Variants in UTY observed in about 807,000 individuals in gnomAD.
UTY encodes the protein histone demethylase UTY.
Under a neutral mutation model 32.5 loss-of-function variants are expected in UTY, and 12 were observed. The observed-to-expected ratio is 0.37, with a 90% CI of 0.24 to 0.60. UTY has a LOEUF of 0.60. Among genes scored for constraint, UTY ranks in the 20% least tolerant of loss-of-function variants. The pLI is 0.69. For synonymous variants in UTY, 131 were observed against 103.4 expected, an observed-to-expected ratio of 1.27 and a Z score of -1.62; for missense variants, 303 against 299.2, an observed-to-expected ratio of 1.01 and a Z score of -0.09.
chrY:13,383,618 T>C, intron 8 of UTY, among the ~76,000 whole-genome samples: 3 of 29,942 alleles, frequency 1.0e-4, no homozygotes, highest in African/African-American at 2.6e-4. Flanking sequence ...CAGTCACTTA[T>C]GCATACACCT....
intron 21 of UTY, among the ~76,000 whole-genome samples, chrY:13,311,428 T>C: frequency 3.2e-5 from 1 of 31,406 alleles, no homozygotes; most frequent in Non-Finnish European, 7.8e-5. Flanking sequence ...ACCCCGTCTC[T>C]ACTGAAAATA....
chrY:13,464,574 C>T, intron 3 of UTY, among the ~76,000 whole-genome samples: 23 of 31,060 alleles, frequency 7.4e-4, no homozygotes, highest in Admixed American at 6.6e-3. Flanking sequence ...AAGTTTAAGA[C>T]CAGCTTGGCC....
At chrY:13,343,295 T>C (rs2061628441) in intron 17 of UTY, among the ~76,000 whole-genome samples, 1 of 31,881 alleles carries the variant, frequency 3.1e-5, no homozygotes, top group African/African-American at 1.2e-4. Context: ...TGGACAGAGG[T>C]TGATAATTCA....
At chrY:13,314,661 T>C (rs1044344581) in intron 21 of UTY, among the ~76,000 whole-genome samples, 10 of 33,505 alleles carry the variant, frequency 3.0e-4, no homozygotes, top group Non-Finnish European at 4.4e-4. Flanking sequence ...AAAACCAAAG[T>C]TGGTTCTTTA....
At chrY:13,346,178 T>C (rs2061879421) in intron 17 of UTY, among the ~76,000 whole-genome samples, 1 of 32,897 alleles carries the variant, frequency 3.0e-5, no homozygotes, top group Non-Finnish European at 7.5e-5. Context: ...GAGGTGAAGA[T>C]AGGGTGCACA....
In UTY at chrY:13,384,367, G is replaced by GA. The variant is rs2066481045; in HGVS notation, c.645+9491dup. Among the ~76,000 whole-genome samples the GA allele has an allele frequency of 1.5e-4, 5 of 33,467 alleles. No individual in the cohort carries two copies. The South Asian group carries it at 2.0e-3, about 13-fold the overall frequency. 89.8% of individuals were successfully genotyped at this position (33,467 alleles called of 37,273 possible). ...GTAATCCGTTAAATCAAAAGGCTTA[G>GA]AAAAAAAATCACACGATGGCAGGCC... On this transcript the variant is annotated intron_variant, in intron 8 of 29. Coordinates refer to ENST00000545955, the MANE Select transcript of UTY (RefSeq NM_001258249.2).
chrY:13,311,042 C>T (rs2059019050), intron 21 of UTY, among the ~76,000 whole-genome samples: 1 of 30,265 alleles, frequency 3.3e-5, no homozygotes, highest in Admixed American at 3.0e-4. Flanking sequence ...GAGCCGAGAT[C>T]GCACCACTGT....
chrY:13,265,993 T>C, intron 27 of UTY, among the ~76,000 whole-genome samples: 1 of 33,510 alleles, frequency 3.0e-5, no homozygotes, highest in Non-Finnish European at 7.4e-5. Flanking sequence ...GATAATCATG[T>C]GTTTTTTGTC....
At chrY:13,394,578 CA>C (rs2067932251) in intron 7 of UTY, among the ~76,000 whole-genome samples, 2 of 33,447 alleles carry the variant, frequency 6.0e-5, no homozygotes, top group Non-Finnish European at 1.5e-4. Flanking sequence ...AACAAAATCA[CA>C]ACGGATAATT....
chrY:13,372,094 T>A, intron 8 of UTY, among the ~76,000 whole-genome samples: 1 of 33,378 alleles, frequency 3.0e-5, no homozygotes, highest in South Asian at 6.5e-4. Context: ...TGTAAAACAA[T>A]CCCTATGAAA....
chrY:13,339,572 C>A (rs1603421905), intron 17 of UTY, among the ~76,000 whole-genome samples: 1 of 33,366 alleles, frequency 3.0e-5, no homozygotes, highest in East Asian at 7.8e-4. Context: ...AAACTCACGC[C>A]CTAACTGATA....
intron 25 of UTY, chrY:13,299,960 A>C: frequency 5.6e-6 from 1 of 177,771 alleles, no homozygotes; most frequent in East Asian, 5.8e-4. Context: ...GTCATTTAAA[A>C]TCTTAATCAT....
intron 6 of UTY, among the ~76,000 whole-genome samples, chrY:13,407,791 A>C (rs2070261868): frequency 6.0e-5 from 2 of 33,152 alleles, no homozygotes; most frequent in Admixed American, 5.5e-4. Context: ...AATGAACTAT[A>C]AAGCCCTGGA....
At chrY:13,448,700 AT>A (rs2076099369) in intron 4 of UTY, among the ~76,000 whole-genome samples, 1 of 33,899 alleles carries the variant, frequency 2.9e-5, no homozygotes, top group Non-Finnish European at 7.4e-5. Context: ...TTACCAAAAA[AT>A]AATAAATCAA....
rs374932565 is a variant in UTY, at chrY:13,324,539, T to C, written c.3070+62A>G. On this transcript the variant is annotated intron_variant, in intron 20 of 29. Transcript: ENST00000545955. Reference sequence around the variant, plus strand: ...TTGGGGGAAAAAATCAGTGAGTTTCTGTCAGTGTTATAAAAGTTTAAAGAT... The same window carrying C: ...TTGGGGGAAAAAATCAGTGAGTTTCCGTCAGTGTTATAAAAGTTTAAAGAT... 164 of 289,008 alleles carry C rather than the reference T, an allele frequency of 5.7e-4. No homozygotes were observed. In the South Asian group the frequency reaches 5.7e-3, roughly 10 times the overall value. The allele number at this position is 289,008 out of a possible 400,897, so 72.1% of individuals were successfully genotyped here. A position where few individuals can be genotyped will look rare whatever the true frequency, so the allele number is the denominator to read the frequency against.
At chrY:13,311,798 A>C (rs371110344) in intron 21 of UTY, among the ~76,000 whole-genome samples, 320 of 32,964 alleles carry the variant, frequency 9.7e-3, no homozygotes, top group South Asian at 0.038. Flanking sequence ...ACCCTTCTCA[A>C]CGCTGGTTTT....
intron 28 of UTY, among the ~76,000 whole-genome samples, chrY:13,252,174 C>T: frequency 5.8e-5 from 1 of 17,281 alleles, no homozygotes; most frequent in Non-Finnish European, 1.3e-4. Flanking sequence ...AGCGAGACTC[C>T]GTCTCAAAAA....
intron 27 of UTY, among the ~76,000 whole-genome samples, chrY:13,277,372 C>T: frequency 3.0e-5 from 1 of 33,532 alleles, no homozygotes; most frequent in African/African-American, 1.2e-4. Context: ...ATCATCACCC[C>T]TGCAGGAACA....
chrY:13,378,194 A>G, intron 8 of UTY, among the ~76,000 whole-genome samples: 1 of 33,780 alleles, frequency 3.0e-5, no homozygotes, highest in Non-Finnish European at 7.3e-5. Context: ...TGAAGTAGCA[A>G]AATGTCAACA....
Sources: gnomAD v4.1 joint callset for allele counts (sites outside exome capture counted in the v4.1 genomes callset) on GRCh38, gnomAD v4.1.1 for gene constraint, MANE v1.5 for transcripts, NCBI Gene and HGNC (gene_info 2026-07-23, HGNC 2026-07-21) for gene names.